KCNG3: variants seen among roughly 807,000 people sequenced by gnomAD.
KCNG3 encodes voltage-gated potassium channel regulatory subunit KCNG3.
KCNG3 carries 15 observed loss-of-function variants against 29.0 expected under a neutral mutation model. The observed-to-expected ratio is 0.52, with a 90% CI of 0.35 to 0.80. KCNG3 has a LOEUF of 0.80. Ranked by LOEUF, KCNG3 falls within the 30% of genes least tolerant of loss-of-function variation. The pLI, the probability that KCNG3 is intolerant of heterozygous loss-of-function variation, is 0.01. For synonymous variants in KCNG3, 322 were observed against 248.9 expected (o/e 1.29, Z -2.76); for missense variants, 512 against 605.7 (o/e 0.85, Z 1.62).
chr2:42,444,661 A>G lies in KCNG3; in HGVS notation c.666-82T>C, dbSNP rs548986526. The G allele has an allele frequency of 8.3e-7, 1 of 1,207,298 alleles. No individual in the cohort carries two copies. Among genetic ancestry groups the G allele is most frequent in the South Asian group, 1.5e-5 (1 of 67,250 alleles). The allele number at this position is 1,207,298 out of a possible 1,614,324, so 74.8% of individuals were successfully genotyped here. A position where few individuals can be genotyped will look rare whatever the true frequency, so the allele number is the denominator to read the frequency against. On this transcript the variant is annotated intron_variant, in intron 1 of 1. Transcript: ENST00000306078. The surrounding 1 kb of genome is among the most constrained non-coding windows in gnomAD (Gnocchi z 5.8). Reference sequence around the variant, plus strand: ...CTTAGATTTCTTCAGATAGTACTACACTGACATACTAATTCAGTTACTTTT... The same window carrying G: ...CTTAGATTTCTTCAGATAGTACTACGCTGACATACTAATTCAGTTACTTTT...
chr2:42,469,407 A>T (rs1572854909), intron 1 of KCNG3, among the ~76,000 whole-genome samples: 1 of 142,594 alleles, frequency 7.0e-6, no homozygotes, highest in South Asian at 2.3e-4. Flanking sequence ...ACAGAGCAAG[A>T]CTCTGTCTCA....
At position 42,442,052 on chromosome 2, in the gene KCNG3, G is replaced by A. The variant is rs1346616850; in HGVS notation, c.*1882C>T. 1 of 151,880 alleles carries A rather than the reference G, an allele frequency of 6.6e-6. No homozygotes were observed. The highest frequency in any genetic ancestry group is 1.5e-5 in the Non-Finnish European group (1 of 67,994). 9.4% of individuals were successfully genotyped at this position (151,880 alleles called of 1,614,324 possible). ...TCATATTTTTATTAGTAATATGGAG[G>A]TGCTATCATCTGCACATTGTTTGCA... On this transcript the variant is annotated 3_prime_UTR_variant, in exon 2 of 2. Transcript: ENST00000306078.
rs1435316917 is a variant in KCNG3 at position 42,461,162 on chromosome 2, A to AAAAAC, written c.666-16588_666-16584dup. Among the ~76,000 whole-genome samples the AAAAAC allele has an allele frequency of 4.4e-3, 417 of 94,520 alleles. 84 individuals are homozygous for AAAAAC. In the Middle Eastern group the frequency reaches 0.061, roughly 14 times the overall value. The allele number at this position is 94,520 out of a possible 152,430, so 62.0% of individuals were successfully genotyped here. ...GGTGACACAGCAAGACTCTGTCTCC[A>AAAAAC]AAAACAAAACAAAACAAAACAAAAA... On this transcript the variant is annotated intron_variant, in intron 1 of 1. Coordinates refer to ENST00000306078, the MANE Select transcript of KCNG3 (RefSeq NM_133329.6).
chr2:42,452,265 A>G (rs996077656), intron 1 of KCNG3, among the ~76,000 whole-genome samples: 19 of 107,288 alleles, frequency 1.8e-4, no homozygotes, highest in African/African-American at 5.4e-4. Context: ...TTTTTAAAGG[A>G]AACAGAATTT....
At chr2:42,422,623 G>A in the KCNG3 span, among the ~76,000 whole-genome samples, 1 of 152,122 alleles carries the variant, frequency 6.6e-6, no homozygotes, top group Non-Finnish European at 1.5e-5. Context: ...TAAAGAAATA[G>A]ATAACTTCTG....
At chr2:42,470,043 A>G in intron 1 of KCNG3, 1 of 505,796 alleles carries the variant, frequency 2.0e-6, no homozygotes, top group Non-Finnish European at 3.6e-6. Context: ...CTTAAGTCCA[A>G]AGGACTTGCT....
chr2:42,445,076 A>T (rs1423067461), intron 1 of KCNG3, among the ~76,000 whole-genome samples: 21 of 148,836 alleles, frequency 1.4e-4, no homozygotes, highest in African/African-American at 5.2e-4. Context: ...CAAAAATTAA[A>T]AAAAAAAAAA....
chr2:42,411,551 C>T, the KCNG3 span, among the ~76,000 whole-genome samples: 18 of 152,252 alleles, frequency 1.2e-4, no homozygotes, highest in East Asian at 3.5e-3. Context: ...AGCGTGATCT[C>T]AGCTCATTGC....
intron 1 of KCNG3, among the ~76,000 whole-genome samples, chr2:42,454,472 G>T (rs1672832083): frequency 6.6e-6 from 1 of 152,196 alleles, no homozygotes; most frequent in Admixed American, 6.5e-5. Flanking sequence ...AGCACTTTGG[G>T]AGGCCGAGGC....
the KCNG3 span, among the ~76,000 whole-genome samples, chr2:42,404,810 CA>C: frequency 6.6e-6 from 1 of 152,142 alleles, no homozygotes; most frequent in East Asian, 1.9e-4. Context: ...TTCAAGTATA[CA>C]CGGCAATGAT....
At chr2:42,413,552 T>TC in the KCNG3 span, 1 of 152,210 alleles carries the variant, frequency 6.6e-6, no homozygotes, top group African/African-American at 2.4e-5. Flanking sequence ...TCTAGTCATA[T>TC]CACTTACATT....
the KCNG3 span, chr2:42,388,562 C>T: frequency 2.6e-5 from 4 of 152,126 alleles, no homozygotes; most frequent in Admixed American, 6.6e-5. Flanking sequence ...CTTGTGGGCT[C>T]GGCTGCCTTT....
Position 42,444,600 on chromosome 2 carries a change from G to C in KCNG3, c.666-21C>G, listed in dbSNP as rs745514294. The stretch of plus-strand genomic sequence containing the variant: ...TTATCCTGTCAAGAGAACAAAAGAA[G>C]AATTGATCATTTTATTTTTAAGCAT... On this transcript the variant is annotated intron_variant, in intron 1 of 1. Coordinates refer to ENST00000306078, the MANE Select transcript of KCNG3 (RefSeq NM_133329.6). This position sits in a 1 kb window ranked among gnomAD's most constrained non-coding sequence, Gnocchi z 5.8. 1.3e-6 allele frequency: 2 copies of C among 1,574,378 alleles called. No individual in the cohort carries two copies. The highest frequency in any genetic ancestry group is 3.7e-5 in the Admixed American group (2 of 53,352).
intron 1 of KCNG3, among the ~76,000 whole-genome samples, chr2:42,479,089 G>T (rs1346646080): frequency 4.0e-5 from 6 of 151,308 alleles, no homozygotes; most frequent in Non-Finnish European, 7.4e-5. Context: ...TTCAGATTTT[G>T]GCACGTTTTG....
Position 42,444,284 on chromosome 2 carries a change from G to A in KCNG3, c.961C>T (p.Arg321Ter), listed in dbSNP as rs746661038. Residue 321 changes from arginine (R) to a stop codon, truncating the protein, a stop_gained, in exon 2 of 2, where the codon CGA becomes TGA. Transcript: ENST00000306078. LOFTEE classifies it high-confidence loss of function. This position sits in a 1 kb window ranked among gnomAD's most constrained non-coding sequence, Gnocchi z 5.8. ...TLGLTLKRCY[R>*]EMVMLLVFIC... ...AAGACAAGTAACATAACCATCTCTC[G>A]GTAGCAACGTTTGAGAGTCAAACCG... The A allele has an allele frequency of 6.2e-7, 1 of 1,614,080 alleles. No homozygotes were observed. Among genetic ancestry groups the A allele is most frequent in the Non-Finnish European group, 8.5e-7 (1 of 1,179,998 alleles).
rs1423197243 is a variant in KCNG3, at chr2:42,444,593, A to G, written c.666-14T>C. ...GCTTCAATTATCCTGTCAAGAGAAC[A>G]AAAGAAGAATTGATCATTTTATTTT... On this transcript the variant is annotated splice_polypyrimidine_tract_variant and intron_variant, in intron 1 of 1. Coordinates refer to ENST00000306078, the MANE Select transcript of KCNG3 (RefSeq NM_133329.6). This position sits in a 1 kb window ranked among gnomAD's most constrained non-coding sequence, Gnocchi z 5.8. 1.9e-6 allele frequency: 3 copies of G among 1,584,868 alleles called. No individual in the cohort carries two copies. The highest frequency in any genetic ancestry group is 1.4e-5 in the African/African-American group (1 of 73,692).
At chr2:42,454,041 T>C (rs1044046437) in intron 1 of KCNG3, among the ~76,000 whole-genome samples, 8 of 150,778 alleles carry the variant, frequency 5.3e-5, no homozygotes, top group African/African-American at 2.0e-4. Context: ...CCCAACATTA[T>C]TAATCATCAG....
At chr2:42,458,155 GC>G (rs1296358690) in intron 1 of KCNG3, among the ~76,000 whole-genome samples, 1 of 152,024 alleles carries the variant, frequency 6.6e-6, no homozygotes, top group Non-Finnish European at 1.5e-5. Context: ...AGGATATGTG[GC>G]AGGACAACGA....
intron 1 of KCNG3, among the ~76,000 whole-genome samples, chr2:42,488,552 C>CT (rs111727996): frequency 0.016 from 2,132 of 136,970 alleles, 20 homozygotes; most frequent in East Asian, 0.047. Context: ...ATTTTCTTTT[C>CT]TTTTTTTTTT....
Sources: allele counts gnomAD v4.1 joint callset (sites outside exome capture counted in the v4.1 genomes callset), GRCh38; gene constraint gnomAD v4.1.1; non-coding constraint Gnocchi (gnomAD v3.1); transcripts MANE v1.5; gene names NCBI Gene and HGNC (gene_info 2026-07-23, HGNC 2026-07-21).